Variants in ZPLD1 observed in about 807,000 individuals in gnomAD.
ZPLD1 encodes zona pellucida like domain containing 1, also known as zona pellucida-like domain-containing protein 1.
In ZPLD1, 34 loss-of-function variants were observed where a neutral mutation model predicts 47.2. That is an observed-to-expected ratio of 0.72 (90% CI 0.55 to 0.96). The LOEUF (loss-of-function observed/expected upper bound fraction) is 0.96. Among genes scored for constraint, ZPLD1 ranks in the 40% least tolerant of loss-of-function variants. ZPLD1 has a pLI of 0.00. For missense variants in ZPLD1, 512 were observed against 505.8 expected (o/e 1.01, Z -0.12); for synonymous variants, 176 against 186.2 (o/e 0.95, Z 0.45).
At chr3:102,473,158 TA>T (rs1442937442) in intron 10 of ZPLD1, among the ~76,000 whole-genome samples, 1 of 152,124 alleles carries the variant, frequency 6.6e-6, no homozygotes, top group African/African-American at 2.4e-5. Flanking sequence ...ATGTGGGTAT[TA>T]TGGAAGCTAT....
chr3:102,472,661 T>A (rs1419099455), intron 10 of ZPLD1, among the ~76,000 whole-genome samples: 1 of 152,172 alleles, frequency 6.6e-6, no homozygotes, highest in Non-Finnish European at 1.5e-5. Flanking sequence ...ATAATTAGGA[T>A]TGCTTTTGGG....
At chr3:102,419,454 T>C (rs1401008654) in intron 8 of ZPLD1, among the ~76,000 whole-genome samples, 1 of 151,980 alleles carries the variant, frequency 6.6e-6, no homozygotes, top group Non-Finnish European at 1.5e-5. Context: ...GTTAATAGCC[T>C]CATAACATAG....
Position 102,436,982 on chromosome 3 carries a change from AG to A in ZPLD1, c.-9+10del. 1 of 972,590 alleles carries A rather than the reference AG, an allele frequency of 1.0e-6. No homozygotes were observed. The highest frequency in any genetic ancestry group is 1.2e-6 in the Non-Finnish European group (1 of 818,110). The allele number at this position is 972,590 out of a possible 1,614,324, so 60.2% of individuals were successfully genotyped here. ...TGGAGCATGGAATAAATGTGGGTGC[AG>A]TGGAGTGTATTGCTTATTCAGGCTT... is the stretch of plus-strand genomic sequence containing the variant. On this transcript the variant is annotated intron_variant, in intron 2 of 11. Coordinates refer to ENST00000466937, the MANE Select transcript of ZPLD1 (RefSeq NM_001329788.2).
intron 10 of ZPLD1, among the ~76,000 whole-genome samples, chr3:102,475,860 C>T (rs1264895761): frequency 6.6e-6 from 1 of 152,130 alleles, no homozygotes; most frequent in Non-Finnish European, 1.5e-5. Context: ...TTATAAATAT[C>T]TCACCAGGTT....
intron 7 of ZPLD1, among the ~76,000 whole-genome samples, chr3:102,404,989 C>A (rs1706664856): frequency 6.6e-6 from 1 of 151,984 alleles, no homozygotes; most frequent in African/African-American, 2.4e-5. Flanking sequence ...CTTGAAACAA[C>A]AACATATTTT....
chr3:102,428,384 A>C (rs1420357290), intron 8 of ZPLD1, among the ~76,000 whole-genome samples: 2 of 152,160 alleles, frequency 1.3e-5, no homozygotes, highest in Non-Finnish European at 2.9e-5. Context: ...TTGTTTAAAA[A>C]TATATTCTAG....
At chr3:102,392,549 T>TTCCTTCCTCCTTCC (rs76759149) in intron 7 of ZPLD1, among the ~76,000 whole-genome samples, 12 of 147,570 alleles carry the variant, frequency 8.1e-5, no homozygotes, top group South Asian at 4.5e-4. Context: ...CCTCCCTCCC[T>TTCCTTCCTCCTTCC]TCCTTCCTCC....
At chr3:102,470,945 AT>A (rs1707675222) in intron 10 of ZPLD1, among the ~76,000 whole-genome samples, 1 of 151,788 alleles carries the variant, frequency 6.6e-6, no homozygotes, top group Non-Finnish European at 1.5e-5. Context: ...TACCTGGCTA[AT>A]TTTTGTATTT....
intron 6 of ZPLD1, chr3:102,392,031 C>T (rs2107284857): frequency 6.6e-6 from 1 of 152,214 alleles, no homozygotes; most frequent in South Asian, 2.1e-4. Context: ...ATCAACCAAA[C>T]AAACAACAAA....
chr3:102,476,908 TA>T lies in ZPLD1; in HGVS notation c.1043-102del, dbSNP rs1707765787. The stretch of plus-strand genomic sequence containing the variant: ...GATTATGGGTGGACGTAAGAGGAGA[TA>T]ACAGGTAAAAATGTAGGTACAATGT... On this transcript the variant is annotated intron_variant, in intron 10 of 11. Coordinates refer to ENST00000466937, the MANE Select transcript of ZPLD1 (RefSeq NM_001329788.2). 2.2e-6 allele frequency: 3 copies of T among 1,344,378 alleles called. No individual in the cohort carries two copies. The South Asian group carries it at 3.6e-5, about 16-fold the overall frequency. 83.3% of individuals were successfully genotyped at this position (1,344,378 alleles called of 1,614,324 possible).
At chr3:102,434,841 A>G (rs1707062840), upstream of ZPLD1, among the ~76,000 whole-genome samples, 1 of 152,208 alleles carries the variant, frequency 6.6e-6, no homozygotes. Context: ...ACAGTGGGAC[A>G]GCAAGCACCT....
chr3:102,466,796 A>G (rs1049313985), intron 8 of ZPLD1, among the ~76,000 whole-genome samples: 1 of 152,112 alleles, frequency 6.6e-6, no homozygotes, highest in African/African-American at 2.4e-5. Flanking sequence ...AAATAAAAAG[A>G]GGATTAAGTA....
chr3:102,428,923 C>T (rs1278933279), intron 8 of ZPLD1, among the ~76,000 whole-genome samples: 1 of 152,048 alleles, frequency 6.6e-6, no homozygotes, highest in Non-Finnish European at 1.5e-5. Flanking sequence ...CGCATAGATT[C>T]TTTAACATTA....
chr3:102,452,772 T>C lies in ZPLD1; in HGVS notation c.107-147T>C, dbSNP rs1707357101. 4.6e-6 allele frequency: 4 copies of C among 875,940 alleles called. No individual in the cohort carries two copies. In the South Asian group the frequency reaches 5.6e-5, roughly 12 times the overall value. 54.3% of individuals were successfully genotyped at this position (875,940 alleles called of 1,614,324 possible). The stretch of plus-strand genomic sequence containing the variant: ...TATTTTTCTTGTCTACTTTACTTAA[T>C]AGCTGGCACATTGGATTATGGTGTA... On this transcript the variant is annotated intron_variant, in intron 3 of 11. Transcript: ENST00000466937.
chr3:102,462,283 T>C lies in ZPLD1; in HGVS notation c.585T>C (p.Asp195=). 1 of 1,599,150 alleles carries C rather than the reference T, an allele frequency of 6.3e-7. No individual in the cohort carries two copies. Among genetic ancestry groups the C allele is most frequent in the Non-Finnish European group, 8.5e-7 (1 of 1,170,472 alleles). The change falls in exon 7 of 12, where the codon GAT becomes GAC. Residue 195 remains aspartate, a splice_region_variant and synonymous_variant. Transcript: ENST00000466937. ...VSTLNLLLYN[D]STYNQQLIIP... is the part of the protein sequence containing the mutation. ...ATTTTTTATTGTTTCATCATTAGGATTCAACCTACAACCAGCAGTTAATTA... is the reference window on the plus strand; with the variant it reads ...ATTTTTTATTGTTTCATCATTAGGACTCAACCTACAACCAGCAGTTAATTA...
chr3:102,462,134 A>G, intron 6 of ZPLD1, 147 bp from the exon 7 acceptor site: 1 of 503,846 alleles, frequency 2.0e-6, no homozygotes, highest in Non-Finnish European at 3.5e-6. Flanking sequence ...CCAAGAAACC[A>G]GAGGGTCACG....
intron 10 of ZPLD1, among the ~76,000 whole-genome samples, chr3:102,473,457 C>G (rs758156582): frequency 3.3e-5 from 5 of 152,108 alleles, no homozygotes; most frequent in Non-Finnish European, 5.9e-5. Context: ...TCAAGAATGT[C>G]ACTTATTGCC....
At chr3:102,411,406 T>G (rs897694083) in intron 7 of ZPLD1, among the ~76,000 whole-genome samples, 1 of 151,846 alleles carries the variant, frequency 6.6e-6, no homozygotes, top group Non-Finnish European at 1.5e-5. Context: ...TATTACTAAA[T>G]TTGAGCTTTA....
intron 7 of ZPLD1, among the ~76,000 whole-genome samples, chr3:102,403,933 T>C (rs1706653472): frequency 6.6e-6 from 1 of 152,040 alleles, no homozygotes; most frequent in Non-Finnish European, 1.5e-5. Context: ...AGTATTTCTT[T>C]CCTCTGTTGG....
Sources: gnomAD v4.1 joint callset for allele counts (sites outside exome capture counted in the v4.1 genomes callset) on GRCh38, gnomAD v4.1.1 for gene constraint, MANE v1.5 for transcripts, NCBI Gene and HGNC (gene_info 2026-07-23, HGNC 2026-07-21) for gene names.